The following SPOCK1 variants were observed in gnomAD, a reference collection of about 807,000 sequenced individuals.
SPOCK1 encodes the protein SPARC (osteonectin), cwcv and kazal like domains proteoglycan 1.
SPOCK1 carries 23 observed loss-of-function variants against 55.3 expected under a neutral mutation model. That is an observed-to-expected ratio of 0.42 (90% CI 0.30 to 0.59). The LOEUF is 0.59. Ranked by LOEUF, SPOCK1 falls within the 20% of genes least tolerant of loss-of-function variation. SPOCK1 has a pLI of 0.22. For synonymous variants in SPOCK1, 226 were observed against 221.0 expected (o/e 1.02, Z -0.20); for missense variants, 499 against 552.5 (o/e 0.90, Z 0.97).
At chr5:137,166,308 G>A (rs1410536275) in intron 3 of SPOCK1, among the ~76,000 whole-genome samples, 1 of 152,030 alleles carries the variant, frequency 6.6e-6, no homozygotes, top group Non-Finnish European at 1.5e-5. Flanking sequence ...CTAGAAAAGT[G>A]TATCTGGTGA....
At chr5:137,020,731 C>G (rs925376135) in intron 6 of SPOCK1, among the ~76,000 whole-genome samples, 1 of 151,320 alleles carries the variant, frequency 6.6e-6, no homozygotes, top group African/African-American at 2.4e-5. Context: ...AAAAGACAAC[C>G]CAATACAAAA....
At chr5:137,422,598 T>C (rs1016766011) in intron 2 of SPOCK1, among the ~76,000 whole-genome samples, 1 of 151,764 alleles carries the variant, frequency 6.6e-6, no homozygotes, top group Non-Finnish European at 1.5e-5. Context: ...GCTTGTGCAT[T>C]CGTCACGTAG....
intron 2 of SPOCK1, among the ~76,000 whole-genome samples, chr5:137,344,786 T>C (rs1750519704): frequency 2.0e-5 from 3 of 152,194 alleles, no homozygotes; most frequent in Non-Finnish European, 2.9e-5. Context: ...CCGACAGAGA[T>C]TGTTTCAGTT....
At chr5:137,084,519 A>C (rs1752926034) in intron 5 of SPOCK1, among the ~76,000 whole-genome samples, 1 of 152,018 alleles carries the variant, frequency 6.6e-6, no homozygotes, top group African/African-American at 2.4e-5. Flanking sequence ...CAAGGGATGG[A>C]AATGAGGCCA....
chr5:137,236,825 T>G (rs1756190829), intron 3 of SPOCK1, among the ~76,000 whole-genome samples: 1 of 152,182 alleles, frequency 6.6e-6, no homozygotes, highest in South Asian at 2.1e-4. Flanking sequence ...ATGTCAGGCC[T>G]GGGAGCTTCC....
intron 2 of SPOCK1, among the ~76,000 whole-genome samples, chr5:137,370,757 C>T (rs1378239629): frequency 6.6e-6 from 1 of 152,244 alleles, no homozygotes; most frequent in Non-Finnish European, 1.5e-5. Flanking sequence ...TCTAAGAAAA[C>T]ACTGTGGCTT....
intron 2 of SPOCK1, among the ~76,000 whole-genome samples, chr5:137,490,440 T>C (rs1427454529): frequency 2.0e-5 from 3 of 152,154 alleles, no homozygotes; most frequent in South Asian, 2.1e-4. Flanking sequence ...GACCAAATTA[T>C]GGGCACCAGA....
At chr5:137,468,876 A>G (rs1202058553) in intron 2 of SPOCK1, among the ~76,000 whole-genome samples, 1 of 152,018 alleles carries the variant, frequency 6.6e-6, no homozygotes, top group South Asian at 2.1e-4. Flanking sequence ...GTTCCCCCCA[A>G]CTCACACACA....
At chr5:137,344,475 C>A (rs1283873500) in intron 2 of SPOCK1, among the ~76,000 whole-genome samples, 1 of 152,244 alleles carries the variant, frequency 6.6e-6, no homozygotes, top group Non-Finnish European at 1.5e-5. Context: ...CACCTCAGGG[C>A]AGCAGTTCTT....
intron 3 of SPOCK1, among the ~76,000 whole-genome samples, chr5:137,206,972 C>T (rs963006741): frequency 1.8e-4 from 27 of 152,300 alleles, no homozygotes; most frequent in African/African-American, 5.8e-4. Flanking sequence ...ATTCCAGAGG[C>T]CACATGCTGA....
At chr5:137,302,748 G>A (rs532911652) in intron 2 of SPOCK1, among the ~76,000 whole-genome samples, 41 of 151,952 alleles carry the variant, frequency 2.7e-4, no homozygotes, top group Admixed American at 1.9e-3. Flanking sequence ...CTTCTAAAAC[G>A]TCCTTGAACT....
intron 2 of SPOCK1, among the ~76,000 whole-genome samples, chr5:137,417,852 G>A (rs528892597): frequency 6.6e-6 from 1 of 151,938 alleles, no homozygotes; most frequent in South Asian, 2.1e-4. Flanking sequence ...TGTGCACAAC[G>A]TGCAGGTTTG....
In SPOCK1 at chr5:137,217,241, T is replaced by C. The variant is rs140669356; in HGVS notation, c.232+49769A>G. The stretch of plus-strand genomic sequence containing the variant: ...AAGCAGCACTTTGCTTCTATCTAAA[T>C]CACTCCCCAGAGCCCGTGGTTGTAG... On this transcript the variant is annotated intron_variant, in intron 3 of 10. Transcript: ENST00000394945. Among the ~76,000 whole-genome samples the C allele has an allele frequency of 5.3e-3, 803 of 152,296 alleles. 6 individuals carry two copies. The highest frequency in any genetic ancestry group is 0.018 in the African/African-American group (750 of 41,576).
chr5:137,464,675 G>T (rs1753562646), intron 2 of SPOCK1, among the ~76,000 whole-genome samples: 1 of 152,110 alleles, frequency 6.6e-6, no homozygotes, highest in Non-Finnish European at 1.5e-5. Context: ...TGAGAAGCAA[G>T]AGGAAAAGGA....
chr5:137,215,723 T>C (rs1339487929), intron 3 of SPOCK1, among the ~76,000 whole-genome samples: 1 of 152,142 alleles, frequency 6.6e-6, no homozygotes, highest in Admixed American at 6.5e-5. Flanking sequence ...CAGTTTGTGG[T>C]AGAAAGTTTT....
intron 6 of SPOCK1, among the ~76,000 whole-genome samples, chr5:137,061,216 C>T (rs1752388982): frequency 6.6e-6 from 1 of 152,164 alleles, no homozygotes; most frequent in South Asian, 2.1e-4. Context: ...CTCTATTTTT[C>T]TAGGAGCCTC....
At chr5:137,021,004 G>C (rs998911625) in intron 6 of SPOCK1, among the ~76,000 whole-genome samples, 4 of 152,104 alleles carry the variant, frequency 2.6e-5, no homozygotes, top group African/African-American at 9.6e-5. Flanking sequence ...TTCTTATAAA[G>C]TTGAAAATAA....
At chr5:137,140,474 A>T (rs1244018148) in intron 4 of SPOCK1, 106 bp downstream of exon 4, 2 of 877,444 alleles carry the variant, frequency 2.3e-6, no homozygotes, top group Non-Finnish European at 3.5e-6. Flanking sequence ...CGACCCTAAC[A>T]CTATGCTCTC....
intron 2 of SPOCK1, among the ~76,000 whole-genome samples, chr5:137,445,255 G>C (rs1244355273): frequency 6.6e-6 from 1 of 152,110 alleles, no homozygotes; most frequent in Non-Finnish European, 1.5e-5. Context: ...CTTCAGAACT[G>C]AGACCAAATT....
Sources: gnomAD v4.1 joint callset for allele counts (sites outside exome capture counted in the v4.1 genomes callset) on GRCh38, gnomAD v4.1.1 for gene constraint, MANE v1.5 for transcripts, NCBI Gene and HGNC (gene_info 2026-07-23, HGNC 2026-07-21) for gene names.